NFIB: variants seen among roughly 807,000 people sequenced by gnomAD.
NFIB encodes the protein nuclear factor I B.
A neutral mutation model predicts 61.5 loss-of-function variants in NFIB; 11 were observed. The ratio of observed to expected loss-of-function variants is 0.18; its 90% confidence interval spans 0.11 to 0.30. The LOEUF (loss-of-function observed/expected upper bound fraction) is 0.30. Ranked by LOEUF, NFIB falls within the 10% of genes least tolerant of loss-of-function variation. The pLI is 1.00. For synonymous variants in NFIB, 260 were observed against 216.5 expected, an observed-to-expected ratio of 1.20 and a Z score of -1.76; for missense variants, 471 against 608.9, an observed-to-expected ratio of 0.77 and a Z score of 2.38.
chr9:14,470,986 G>T, the NFIB span, among the ~76,000 whole-genome samples: 5 of 152,314 alleles, frequency 3.3e-5, no homozygotes, highest in South Asian at 1.0e-3. Flanking sequence ...CCTTGGACCT[G>T]AAATGGTTAG....
At chr9:14,160,851 A>AC (rs397726494) in intron 3 of NFIB, among the ~76,000 whole-genome samples, 1 of 147,968 alleles carries the variant, frequency 6.8e-6, no homozygotes, top group East Asian at 2.0e-4. Context: ...AAAAAAAAAA[A>AC]CAGAAAAAAA....
intron 6 of NFIB, among the ~76,000 whole-genome samples, chr9:14,145,824 AT>A (rs891906281): frequency 1.8e-4 from 26 of 144,658 alleles, no homozygotes; most frequent in Admixed American, 1.3e-3. Context: ...CTTACGTTTT[AT>A]TTTTTTTTTG....
chr9:14,368,071 C>A (rs370533543), intron 1 of NFIB, among the ~76,000 whole-genome samples: 2 of 151,098 alleles, frequency 1.3e-5, no homozygotes, highest in East Asian at 3.9e-4. Context: ...GGCACATGTA[C>A]CAAACTTGGG....
the NFIB span, among the ~76,000 whole-genome samples, chr9:14,462,172 A>G: frequency 1.3e-5 from 2 of 152,208 alleles, no homozygotes; most frequent in Non-Finnish European, 2.9e-5. Flanking sequence ...TTTAATACAC[A>G]ATCAGTGTTT....
the NFIB span, among the ~76,000 whole-genome samples, chr9:14,446,109 A>G: frequency 1.3e-5 from 2 of 152,158 alleles, no homozygotes; most frequent in African/African-American, 4.8e-5. Flanking sequence ...ACTGATGCTC[A>G]CCCGAAGAAC....
chr9:14,154,816 A>G (rs1310200899), intron 4 of NFIB, among the ~76,000 whole-genome samples: 1 of 152,238 alleles, frequency 6.6e-6, no homozygotes, highest in African/African-American at 2.4e-5. Flanking sequence ...TACGGTTCAA[A>G]AGACAGTCAG....
At chr9:14,385,015 C>G (rs868506341) in intron 1 of NFIB, among the ~76,000 whole-genome samples, 4 of 152,342 alleles carry the variant, frequency 2.6e-5, no homozygotes, top group Non-Finnish European at 4.4e-5. Context: ...CATAGGCTTG[C>G]TGATTTGTCT....
chr9:14,377,886 C>T (rs1006751738), intron 1 of NFIB, among the ~76,000 whole-genome samples: 7 of 152,170 alleles, frequency 4.6e-5, no homozygotes, highest in Admixed American at 3.9e-4. Context: ...AAGACAATCC[C>T]CACTTACGCC....
chr9:14,268,745 T>C (rs559580192), intron 2 of NFIB, among the ~76,000 whole-genome samples: 30 of 152,350 alleles, frequency 2.0e-4, no homozygotes, highest in African/African-American at 6.5e-4. Flanking sequence ...TAGATTAGAT[T>C]AGAAACTCCT....
intron 1 of NFIB, among the ~76,000 whole-genome samples, chr9:14,348,688 C>G (rs1213226979): frequency 6.6e-6 from 1 of 152,188 alleles, no homozygotes; most frequent in Non-Finnish European, 1.5e-5. Context: ...GGGTGCCACG[C>G]GAAGAGAGAG....
chr9:14,323,565 ATTATGTAATT>A (rs2060710468), intron 1 of NFIB, among the ~76,000 whole-genome samples: 1 of 152,232 alleles, frequency 6.6e-6, no homozygotes, highest in Non-Finnish European at 1.5e-5. Context: ...ATCCTGACTA[ATTATGTAATT>A]GCACAACAGA....
chr9:14,303,840 G>A (rs1192998544), intron 2 of NFIB, among the ~76,000 whole-genome samples: 2 of 152,180 alleles, frequency 1.3e-5, no homozygotes, highest in African/African-American at 4.8e-5. Flanking sequence ...GCAGCCCTCT[G>A]AATCAATAAC....
At chr9:14,431,558 TTC>T in the NFIB span, among the ~76,000 whole-genome samples, 21 of 152,234 alleles carry the variant, frequency 1.4e-4, 1 homozygote, top group South Asian at 3.5e-3. Context: ...TCTAAGTGGC[TTC>T]TGTTTGTTTG....
intron 2 of NFIB, among the ~76,000 whole-genome samples, chr9:14,236,850 T>TA (rs74393926): frequency 7.3e-4 from 106 of 145,080 alleles, no homozygotes; most frequent in Admixed American, 1.1e-3. Flanking sequence ...GGCTTCTCTT[T>TA]AAAAAAAAAA....
At chr9:14,355,458 G>A (rs906552388) in intron 1 of NFIB, among the ~76,000 whole-genome samples, 11 of 152,166 alleles carry the variant, frequency 7.2e-5, no homozygotes, top group East Asian at 1.9e-4. Context: ...AATGGCAAGC[G>A]CAGCAAACCA....
intron 1 of NFIB, among the ~76,000 whole-genome samples, chr9:14,360,211 A>C (rs1248423768): frequency 6.6e-6 from 1 of 152,356 alleles, no homozygotes; most frequent in Non-Finnish European, 1.5e-5. Flanking sequence ...ACTTATATTA[A>C]GCCCAACCCT....
chr9:14,360,886 T>G (rs1484959522), intron 1 of NFIB, among the ~76,000 whole-genome samples: 1 of 152,174 alleles, frequency 6.6e-6, no homozygotes, highest in African/African-American at 2.4e-5. Flanking sequence ...GTTGTACCTT[T>G]GGTTAATTTT....
intron 8 of NFIB, among the ~76,000 whole-genome samples, chr9:14,119,132 C>T (rs1183999549): frequency 1.3e-5 from 2 of 152,018 alleles, no homozygotes; most frequent in Non-Finnish European, 2.9e-5. Flanking sequence ...TAAAATCAGA[C>T]CTTGTGTGCA....
At chr9:14,411,082 G>C in the NFIB span, among the ~76,000 whole-genome samples, 1 of 152,136 alleles carries the variant, frequency 6.6e-6, no homozygotes, top group East Asian at 1.9e-4. Flanking sequence ...TTGTAAATGT[G>C]TTTCCATTTT....
Sources: gnomAD v4.1 joint callset for allele counts (sites outside exome capture counted in the v4.1 genomes callset) on GRCh38, gnomAD v4.1.1 for gene constraint, MANE v1.5 for transcripts, NCBI Gene and HGNC (gene_info 2026-07-23, HGNC 2026-07-21) for gene names.